STRC: variants seen among roughly 807,000 people sequenced by gnomAD.
STRC encodes stereocilin.
STRC carries 43 observed loss-of-function variants against 103.5 expected under a neutral mutation model. The ratio of observed to expected loss-of-function variants is 0.42; its 90% CI spans 0.33 to 0.54. The LOEUF (loss-of-function observed/expected upper bound fraction) is 0.54, where lower values mean the gene tolerates loss of function less well. Ranked by LOEUF, STRC falls within the 20% of genes least tolerant of loss-of-function variation. STRC has a pLI of 0.14. For missense variants in STRC, 499 were observed against 1,088.5 expected, an observed-to-expected ratio of 0.46 and a Z score of 7.62; for synonymous variants, 186 against 442.3, an observed-to-expected ratio of 0.42 and a Z score of 7.27.
intron 22 of STRC, 76 bp downstream of exon 22, chr15:43,603,920 G>A (rs933748545): frequency 2.4e-5 from 38 of 1,608,054 alleles, no homozygotes; most frequent in East Asian, 6.7e-5. Flanking sequence ...TCCCAGGGAA[G>A]AGCACATGTA....
In STRC at chr15:43,604,791, ACCAAAGGG is replaced by A. The variant is rs2085700276; in HGVS notation, c.3978_3985del (p.Pro1327TrpfsTer56). 1 of 1,613,126 alleles carries A rather than the reference ACCAAAGGG, an allele frequency of 6.2e-7. No homozygotes were observed. The highest frequency in any genetic ancestry group is 1.3e-5 in the African/African-American group (1 of 74,786). ...TGTGCTCTCTGTCCCCAGGAATCCA[ACCAAAGGG>A]CCTAAGGTCTCCAGCACTTCCCCTG... On this transcript the variant is annotated frameshift_variant, in exon 20 of 29. Coordinates refer to ENST00000450892, the MANE Select transcript of STRC (RefSeq NM_153700.2). LOFTEE classifies it high-confidence loss of function.
intron 20 of STRC, 96 bp downstream of exon 20, chr15:43,604,554 G>A (rs2141523235): frequency 3.1e-6 from 5 of 1,612,084 alleles, no homozygotes; most frequent in Non-Finnish European, 4.2e-6. Flanking sequence ...GGGCTCCAGG[G>A]GACCTTAAGA....
rs766099827 is a variant in STRC, at chr15:43,603,224, T to G, written c.4545+18A>C. ...TAGCTTCCTCATGGCCAACCCCAGTTGGCTCTCCATCCCTAACCTGTTTTG... is the reference window on the plus strand; with the variant it reads ...TAGCTTCCTCATGGCCAACCCCAGTGGGCTCTCCATCCCTAACCTGTTTTG... On this transcript the variant is annotated intron_variant, in intron 23 of 28. Transcript: ENST00000450892. 1 of 1,612,598 alleles carries G rather than the reference T, an allele frequency of 6.2e-7. No homozygotes were observed. The highest frequency in any genetic ancestry group is 1.3e-5 in the African/African-American group (1 of 74,818).
In STRC at chr15:43,605,267, G is replaced by C. The variant is rs1234287927; in HGVS notation, c.3927C>G (p.Asn1309Lys). Residue 1309 changes from asparagine to lysine, a missense_variant, in exon 19 of 29, where the codon AAC becomes AAG. Asn to Lys is a moderately conservative substitution (Grantham distance 94). Transcript: ENST00000450892. ...QAALAERALQ[N>K]LAPKETPVSG... ...GTCTGGTAGGGTGGACTCTTACCAG[G>C]TTTTGTAGTGCCCTCTCTGCCAGGG... is the stretch of plus-strand genomic sequence containing the variant. The C allele has an allele frequency of 6.3e-7, 1 of 1,584,762 alleles. No individual in the cohort carries two copies. The highest frequency in any genetic ancestry group is 1.7e-4 in the Middle Eastern group (1 of 5,786).
intron 13 of STRC, 53 bp downstream of exon 13, chr15:43,611,095 A>G (rs1339233802): frequency 1.3e-6 from 2 of 1,530,194 alleles, no homozygotes; most frequent in East Asian, 2.3e-5. Flanking sequence ...CTTCCTCCCA[A>G]CCAGAAAGAG....
intron 24 of STRC, 77 bp downstream of exon 24, chr15:43,601,319 T>C: frequency 1.9e-6 from 3 of 1,602,026 alleles, no homozygotes; most frequent in Non-Finnish European, 2.6e-6. Flanking sequence ...AAAAATTCCT[T>C]GGGCTTTAGA....
At chr15:43,606,748 T>C (rs1436144096) in intron 18 of STRC, among the ~76,000 whole-genome samples, 1 of 123,610 alleles carries the variant, frequency 8.1e-6, no homozygotes, top group African/African-American at 3.1e-5. Flanking sequence ...TATAAAAATA[T>C]AAGAATGTTG....
At position 43,602,243 on chromosome 15, in the gene STRC, C is replaced by T. The variant is rs535525680; in HGVS notation, c.4546-692G>A. Among the ~76,000 whole-genome samples, 52 of 150,588 alleles carry T rather than the reference C, an allele frequency of 3.5e-4. 1 individual carries two copies. The highest frequency in any genetic ancestry group is 6.2e-4 in the Non-Finnish European group (42 of 67,646). On this transcript the variant is annotated intron_variant, in intron 23 of 28. Coordinates refer to ENST00000450892, the MANE Select transcript of STRC (RefSeq NM_153700.2). ...ACACCCAGGCTGGAGGGCAGTGGTGCGATCTTGGCACATTGCACCCTCCAC... is the reference window on the plus strand; with the variant it reads ...ACACCCAGGCTGGAGGGCAGTGGTGTGATCTTGGCACATTGCACCCTCCAC...
In STRC at chr15:43,604,726, G is replaced by T. The variant is rs2085699619; in HGVS notation, c.4051C>A (p.Gln1351Lys). 6.2e-7 allele frequency: 1 copy of T among 1,613,542 alleles called. No homozygotes were observed. Among genetic ancestry groups the T allele is most frequent in the African/African-American group, 1.3e-5 (1 of 74,860 alleles). The stretch of plus-strand genomic sequence containing the variant: ...TCTCCTAGGCAGAAGCCTTGCAGCT[G>T]ACTGAGATGGGACAGCAGGATCTGT... ...PLQILLSHLS[Q>K]LQGFCLGETF... Residue 1351 changes from glutamine (Q) to lysine (K), a missense_variant, in exon 20 of 29, where the codon CAG (glutamine) becomes AAG (lysine). Coordinates refer to ENST00000450892, the MANE Select transcript of STRC (RefSeq NM_153700.2).
intron 22 of STRC, chr15:43,603,729 T>G (rs2085690901): frequency 2.8e-6 from 2 of 718,778 alleles, no homozygotes. Context: ...AGCAGAGAGC[T>G]CCACACTTAG....
Position 43,604,642 on chromosome 15 carries a change from G to A in STRC, c.4127+8C>T, listed in dbSNP as rs2470137. On this transcript the variant is annotated splice_region_variant and intron_variant, in intron 20 of 28. Transcript: ENST00000450892. ...GAGTTAGAATCTGAAGTTCTCGAAG[G>A]TCCATACCCAAGAACAGACTCCTGC... is the stretch of plus-strand genomic sequence containing the variant. 1.4e-3 allele frequency: 2,219 copies of A among 1,612,488 alleles called. 53 individuals carry two copies. In the African/African-American group the frequency reaches 0.027, roughly 19 times the overall value.
chr15:43,602,062 C>T (rs1399972570), intron 23 of STRC, among the ~76,000 whole-genome samples: 1 of 142,420 alleles, frequency 7.0e-6, no homozygotes, highest in Non-Finnish European at 1.5e-5. Flanking sequence ...TTACAGTGAG[C>T]CAAGATCACA....
At chr15:43,607,814 C>T in intron 18 of STRC, 49 bp downstream of exon 18, 4 of 1,333,166 alleles carry the variant, frequency 3.0e-6, no homozygotes, top group Non-Finnish European at 4.2e-6. Context: ...AGATCTTCAC[C>T]CCAGATTGAG....
In STRC at chr15:43,601,545, C is replaced by A; in HGVS notation, c.4552G>T (p.Gly1518Cys). ...TCAGGACGAAATCCCCGGGGGGGAC[C>A]CCACAACTAGGAGAAAGACAGGAAC... is the stretch of plus-strand genomic sequence containing the variant. The part of the protein sequence containing the change: ...AAMGKAKQLW[G>C]PPRGFRPEQI... Residue 1518 changes from glycine (G) to cysteine (C), a missense_variant, in exon 24 of 29, where the codon GGT (glycine) becomes TGT (cysteine). Coordinates refer to ENST00000450892, the MANE Select transcript of STRC (RefSeq NM_153700.2). 1 of 1,613,764 alleles carries A rather than the reference C, an allele frequency of 6.2e-7. No homozygotes were observed. Among genetic ancestry groups the A allele is most frequent in the South Asian group, 1.1e-5 (1 of 91,064 alleles).
At position 43,603,351 on chromosome 15, in the gene STRC, T is replaced by C. The variant is rs1287811955; in HGVS notation, c.4436A>G (p.Gln1479Arg). 1.2e-6 allele frequency: 2 copies of C among 1,613,598 alleles called. No individual in the cohort carries two copies. Among genetic ancestry groups the C allele is most frequent in the Non-Finnish European group, 1.7e-6 (2 of 1,179,790 alleles). Residue 1479 changes from glutamine (Q) to arginine (R), a missense_variant, in exon 23 of 29, where the codon CAG becomes CGG. Coordinates refer to ENST00000450892, the MANE Select transcript of STRC (RefSeq NM_153700.2). ...GTCTGAGAGCTCCATCTCTGCAATC[T>C]GGGTTGCAGACCAGGCTGCTGGGAA... is the stretch of plus-strand genomic sequence containing the variant. ...GTFPAAWSAT[Q>R]IAEMELSDFE...
Position 43,603,260 on chromosome 15 carries a change from G to T in STRC, c.4527C>A (p.Ala1509=). The T allele has an allele frequency of 3.1e-6, 5 of 1,613,582 alleles. No individual in the cohort carries two copies. Among genetic ancestry groups the T allele is most frequent in the Non-Finnish European group, 4.2e-6 (5 of 1,179,794 alleles). Residue 1509 remains alanine, a synonymous_variant, in exon 23 of 29, where the codon GCC becomes GCA. Coordinates refer to ENST00000450892, the MANE Select transcript of STRC (RefSeq NM_153700.2). ...PGLGPEELRA[A]MGKAKQLWGP... ...CCCTAACCTGTTTTGCTTTGCCCAT[G>T]GCTGCCCGCAGTTCCTCAGGCCCAA...
At chr15:43,603,166 T>A (rs1030273654) in intron 23 of STRC, 76 bp downstream of exon 23, 3 of 1,515,318 alleles carry the variant, frequency 2.0e-6, no homozygotes, top group East Asian at 2.3e-5. Context: ...CATCCAACTC[T>A]CCATTCTCTT....
intron 26 of STRC, 102 bp from the exon 27 acceptor site, chr15:43,600,395 C>T: frequency 1.5e-6 from 2 of 1,297,494 alleles, no homozygotes; most frequent in East Asian, 2.4e-5. Flanking sequence ...CTATCATAGA[C>T]CTTCCCCAAT....
At chr15:43,601,374 T>C in intron 24 of STRC, 22 bp downstream of exon 24, 1 of 1,612,262 alleles carries the variant, frequency 6.2e-7, no homozygotes, top group Non-Finnish European at 8.5e-7. Flanking sequence ...TGGGAAGCCG[T>C]AGGGAGGAGG....
Sources: allele counts gnomAD v4.1 joint callset (sites outside exome capture counted in the v4.1 genomes callset), GRCh38; gene constraint gnomAD v4.1.1; transcripts MANE v1.5; gene names NCBI Gene and HGNC (gene_info 2026-07-23, HGNC 2026-07-21).